Variants in EDN3 observed in about 807,000 individuals in gnomAD.
The protein encoded by EDN3 is endothelin 3.
EDN3 carries 9 observed loss-of-function variants against 21.4 expected under a neutral mutation model. That is an observed-to-expected ratio of 0.42 (90% confidence interval 0.25 to 0.73). EDN3 has a LOEUF of 0.73. Among genes scored for constraint, EDN3 ranks in the 30% least tolerant of loss-of-function variants. The pLI, the probability that EDN3 is intolerant of heterozygous loss-of-function variation, is 0.26. For missense variants in EDN3, 327 were observed against 309.4 expected (o/e 1.06, Z -0.43); for synonymous variants, 133 against 126.2 (o/e 1.05, Z -0.36).
intron 2 of EDN3, among the ~76,000 whole-genome samples, chr20:59,315,569 C>T (rs973983145): frequency 4.6e-5 from 7 of 152,284 alleles, no homozygotes; most frequent in Admixed American, 2.6e-4. Context: ...AATGAAACAA[C>T]GCCTCTATCT....
chr20:59,313,224 T>C (rs944702961), intron 2 of EDN3, among the ~76,000 whole-genome samples: 2 of 152,120 alleles, frequency 1.3e-5, no homozygotes, highest in African/African-American at 2.4e-5. Context: ...TTAACAGGTA[T>C]TTATTATTGA....
chr20:59,302,194 C>G (rs2146817818), intron 2 of EDN3, among the ~76,000 whole-genome samples: 1 of 152,290 alleles, frequency 6.6e-6, no homozygotes, highest in South Asian at 2.1e-4. Flanking sequence ...TTAGCTGAGC[C>G]TGACAGAACC....
chr20:59,316,340 G>A (rs758722302), intron 2 of EDN3, among the ~76,000 whole-genome samples: 5 of 152,194 alleles, frequency 3.3e-5, no homozygotes, highest in South Asian at 4.1e-4. Flanking sequence ...CTAGTCCAGC[G>A]CCTGCATGTT....
chr20:59,301,368 C>T (rs1192635270), intron 1 of EDN3, 42 bp from the exon 2 acceptor site: 1 of 1,597,034 alleles, frequency 6.3e-7, no homozygotes. Flanking sequence ...GTTGAGGGGT[C>T]TGCACACTCA....
rs1012117157 is a variant in EDN3, at chr20:59,324,691, T to G, written c.*232T>G. On this transcript the variant is annotated 3_prime_UTR_variant, in exon 5 of 5. Transcript: ENST00000337938. ...CAGATGTGCCCCAGAGCATGACGCC[T>G]GCAGCTCCGGTTTCATGCAGGAAAT... 1.4e-5 allele frequency: 8 copies of G among 587,290 alleles called. No homozygotes were observed. The African/African-American group carries it at 1.5e-4, about 11-fold the overall frequency. 36.4% of individuals were successfully genotyped at this position (587,290 alleles called of 1,614,324 possible).
intron 2 of EDN3, among the ~76,000 whole-genome samples, chr20:59,315,433 G>A (rs557656768): frequency 1.3e-5 from 2 of 152,388 alleles, no homozygotes; most frequent in East Asian, 3.9e-4. Flanking sequence ...AAGGAAAAAT[G>A]TGAACCGAGG....
chr20:59,320,301 C>T (rs1259784157), intron 2 of EDN3, among the ~76,000 whole-genome samples: 1 of 152,232 alleles, frequency 6.6e-6, no homozygotes, highest in East Asian at 1.9e-4. Context: ...TCTCTAATGA[C>T]TGTAATTGCA....
intron 2 of EDN3, 133 bp downstream of exon 2, chr20:59,301,855 T>G: frequency 9.4e-7 from 1 of 1,066,400 alleles, no homozygotes; most frequent in Non-Finnish European, 1.4e-6. Flanking sequence ...CCTTTAGCTC[T>G]TGCTGGGGCC....
At position 59,324,602 on chromosome 20, in the gene EDN3, C is replaced by CG. The variant is rs1990739879; in HGVS notation, c.*143_*144insG. The CG allele has an allele frequency of 9.0e-7, 1 of 1,107,216 alleles. No individual in the cohort carries two copies. The highest frequency in any genetic ancestry group is 1.3e-6 in the Non-Finnish European group (1 of 763,540). The allele number at this position is 1,107,216 out of a possible 1,614,324, so 68.6% of individuals were successfully genotyped here. ...AAAGAGTCCCCACTTAACAATACCCCCCCCCCACGGCAAGAATGCCCAAAT... is the reference window on the plus strand; with the variant it reads ...AAAGAGTCCCCACTTAACAATACCCCGCCCCCCACGGCAAGAATGCCCAAAT... On this transcript the variant is annotated 3_prime_UTR_variant, in exon 5 of 5. Coordinates refer to ENST00000337938, the MANE Select transcript of EDN3 (RefSeq NM_207034.3).
chr20:59,324,399 T>C lies in EDN3; in HGVS notation c.657T>C (p.Ser219=). ...DLHHPKLMPG[S]GLALAPSTCP... ...ACCATCCAAAGCTCATGCCCGGCAG[T>C]GGACTCGCCCTCGCTCCATCTACCT... The change falls in exon 5 of 5, where the codon AGT becomes AGC. Residue 219 remains serine, a synonymous_variant. Coordinates refer to ENST00000337938, the MANE Select transcript of EDN3 (RefSeq NM_207034.3). 6.2e-7 allele frequency: 1 copy of C among 1,614,172 alleles called. No individual in the cohort carries two copies. Among genetic ancestry groups the C allele is most frequent in the Non-Finnish European group, 8.5e-7 (1 of 1,180,040 alleles).
intron 2 of EDN3, among the ~76,000 whole-genome samples, chr20:59,309,526 G>A (rs1000457552): frequency 2.0e-5 from 3 of 152,082 alleles, no homozygotes; most frequent in Admixed American, 6.6e-5. Context: ...CTTTTGAGAC[G>A]GGCATGTGAA....
In EDN3 at chr20:59,300,652, G is replaced by A; in HGVS notation, c.-161G>A. 1.5e-6 allele frequency: 1 copy of A among 680,466 alleles called. No individual in the cohort carries two copies. Among genetic ancestry groups the A allele is most frequent in the Non-Finnish European group, 2.5e-6 (1 of 405,734 alleles). The allele number at this position is 680,466 out of a possible 1,614,324, so 42.2% of individuals were successfully genotyped here. A position where few individuals can be genotyped will look rare whatever the true frequency, so the allele number is the denominator to read the frequency against. ...CGCGCTCTGAAAGTTTATGACCGCC[G>A]CAGCCAACTCCTGGCCGGAGCTGGA... On this transcript the variant is annotated 5_prime_UTR_variant, in exon 1 of 5. Transcript: ENST00000337938.
chr20:59,313,030 C>T (rs1279266390), intron 2 of EDN3, among the ~76,000 whole-genome samples: 1 of 152,146 alleles, frequency 6.6e-6, no homozygotes, highest in African/African-American at 2.4e-5. Flanking sequence ...CATAATTCTT[C>T]CACTTCAAGT....
chr20:59,307,137 T>G (rs1051311457), intron 2 of EDN3, among the ~76,000 whole-genome samples: 1 of 151,850 alleles, frequency 6.6e-6, no homozygotes, highest in African/African-American at 2.4e-5. Flanking sequence ...AGACCAAGAT[T>G]CCATCTCAAA....
chr20:59,318,149 G>A (rs1990300600), intron 2 of EDN3, among the ~76,000 whole-genome samples: 2 of 152,186 alleles, frequency 1.3e-5, no homozygotes, highest in Non-Finnish European at 2.9e-5. Context: ...GGATGAGCAG[G>A]GCTCCAGGTA....
intron 2 of EDN3, among the ~76,000 whole-genome samples, chr20:59,311,958 G>T (rs1204310140): frequency 2.6e-5 from 4 of 152,052 alleles, no homozygotes; most frequent in Admixed American, 2.6e-4. Context: ...TCCTTAACCT[G>T]GTATCTCCTG....
intron 2 of EDN3, among the ~76,000 whole-genome samples, chr20:59,320,192 A>G (rs549555489): frequency 1.3e-5 from 2 of 152,310 alleles, no homozygotes; most frequent in East Asian, 3.9e-4. Flanking sequence ...TTCCACTTTC[A>G]GCTGCATGGC....
chr20:59,315,109 C>A (rs1184988821), intron 2 of EDN3, among the ~76,000 whole-genome samples: 1 of 152,230 alleles, frequency 6.6e-6, no homozygotes, highest in South Asian at 2.1e-4. Flanking sequence ...ACATTTTCCT[C>A]CCTGCCCAGG....
intron 3 of EDN3, among the ~76,000 whole-genome samples, chr20:59,321,527 T>C (rs2146881127): frequency 6.6e-6 from 1 of 152,282 alleles, no homozygotes; most frequent in African/African-American, 2.4e-5. Context: ...CTTAAAAGAT[T>C]GAAGAATTAA....
Sources: gnomAD v4.1 joint callset for allele counts (sites outside exome capture counted in the v4.1 genomes callset) on GRCh38, gnomAD v4.1.1 for gene constraint, MANE v1.5 for transcripts, NCBI Gene and HGNC (gene_info 2026-07-23, HGNC 2026-07-21) for gene names.